Variants in AGMO observed in about 807,000 individuals in gnomAD.
AGMO encodes alkylglycerol monooxygenase.
Under a neutral mutation model 60.2 loss-of-function variants are expected in AGMO, and 75 were observed. The observed-to-expected ratio is 1.25, with a 90% confidence interval of 1.03 to 1.51. The LOEUF (loss-of-function observed/expected upper bound fraction) is 1.51. AGMO is among the 40% of genes most tolerant of loss of function. AGMO has a pLI of 0.00. For missense variants in AGMO, 763 were observed against 525.5 expected (o/e 1.45, Z -4.42); for synonymous variants, 261 against 177.1 (o/e 1.47, Z -3.76).
At chr7:15,394,440 T>C (rs10239038) in intron 5 of AGMO, among the ~76,000 whole-genome samples, 80,361 of 151,946 alleles carry the variant, frequency 0.53, 21,529 homozygotes, top group Middle Eastern at 0.69. Flanking sequence ...GCTCCAGGAA[T>C]CTCCACTTAC....
At chr7:15,248,225 T>TATATATATA (rs1782823894) in intron 12 of AGMO, among the ~76,000 whole-genome samples, 7 of 115,068 alleles carry the variant, frequency 6.1e-5, no homozygotes, top group Non-Finnish European at 1.1e-4. Flanking sequence ...TATATATATA[T>TATATATATA]CTTCATCTTC....
intron 3 of AGMO, among the ~76,000 whole-genome samples, chr7:15,520,738 G>A (rs1463385720): frequency 2.6e-5 from 4 of 152,124 alleles, no homozygotes; most frequent in African/African-American, 7.2e-5. Flanking sequence ...ATGCCCATAG[G>A]AGAAAGTATG....
At chr7:15,534,072 G>A (rs1261773668) in intron 3 of AGMO, among the ~76,000 whole-genome samples, 1 of 151,900 alleles carries the variant, frequency 6.6e-6, no homozygotes, top group Non-Finnish European at 1.5e-5. Context: ...GAAGTATGAG[G>A]CCTCGATTGT....
intron 5 of AGMO, among the ~76,000 whole-genome samples, chr7:15,394,789 T>C (rs1244331572): frequency 1.3e-5 from 2 of 152,190 alleles, no homozygotes; most frequent in Non-Finnish European, 2.9e-5. Flanking sequence ...ATCCTACTTA[T>C]TCAAATAGAA....
intron 5 of AGMO, among the ~76,000 whole-genome samples, chr7:15,416,723 G>C (rs141544156): frequency 2.6e-4 from 40 of 152,268 alleles, no homozygotes; most frequent in African/African-American, 9.4e-4. Flanking sequence ...CAGTATGCAA[G>C]TGGCCTATAG....
At chr7:15,272,193 A>G (rs976705677) in intron 12 of AGMO, among the ~76,000 whole-genome samples, 2 of 151,554 alleles carry the variant, frequency 1.3e-5, no homozygotes, top group Non-Finnish European at 2.9e-5. Flanking sequence ...GGTTTGTTAC[A>G]TATGTATACA....
chr7:15,462,072 A>T (rs940819258), intron 3 of AGMO, among the ~76,000 whole-genome samples: 1 of 151,412 alleles, frequency 6.6e-6, no homozygotes. Flanking sequence ...GTAAAAAAAA[A>T]TTCTAAAATT....
chr7:15,233,182 T>C (rs1268811885), intron 12 of AGMO, among the ~76,000 whole-genome samples: 3 of 152,198 alleles, frequency 2.0e-5, no homozygotes, highest in East Asian at 3.9e-4. Flanking sequence ...TAAAAATCTA[T>C]AAATTTCCAC....
At chr7:15,431,941 C>T (rs1781253012) in intron 3 of AGMO, among the ~76,000 whole-genome samples, 1 of 150,420 alleles carries the variant, frequency 6.6e-6, no homozygotes, top group Non-Finnish European at 1.5e-5. Flanking sequence ...TAGCCCAAGT[C>T]ATTTTTTATT....
At position 15,354,372 on chromosome 7, in the gene AGMO, GTGTGTATA is replaced by G. The variant is rs1563105068; in HGVS notation, c.1263+11134_1263+11141del. The stretch of plus-strand genomic sequence containing the variant: ...TGTATATAGACGTGTGTATATAGAC[GTGTGTATA>G]CACGTGTGTGTATACACGTGTGTGT... On this transcript the variant is annotated intron_variant, in intron 12 of 12. Coordinates refer to ENST00000342526, the MANE Select transcript of AGMO (RefSeq NM_001004320.2). Among the ~76,000 whole-genome samples, 12 of 60,262 alleles carry G rather than the reference GTGTGTATA, an allele frequency of 2.0e-4. 2 individuals are homozygous for G. The highest frequency in any genetic ancestry group is 7.1e-4 in the African/African-American group (7 of 9,906). 39.5% of individuals were successfully genotyped at this position (60,262 alleles called of 152,430 possible).
chr7:15,537,045 T>C (rs1784501007), intron 3 of AGMO, among the ~76,000 whole-genome samples: 1 of 152,136 alleles, frequency 6.6e-6, no homozygotes, highest in Admixed American at 6.5e-5. Flanking sequence ...TTTTTCCAGA[T>C]CATATTTAAC....
chr7:15,389,007 A>G (rs116063255), intron 8 of AGMO, among the ~76,000 whole-genome samples: 1 of 152,176 alleles, frequency 6.6e-6, no homozygotes, highest in Non-Finnish European at 1.5e-5. Flanking sequence ...TCCTCTCAAA[A>G]TACTAATCAT....
In AGMO at chr7:15,514,153, A is replaced by T. The variant is rs568625895; in HGVS notation, c.409+30619T>A. 1.6e-3 allele frequency among the ~76,000 whole-genome samples: 241 copies of T among 152,236 alleles called. 2 individuals carry two copies. In the Middle Eastern group the frequency reaches 0.031, roughly 19 times the overall value. On this transcript the variant is annotated intron_variant, in intron 3 of 12. Coordinates refer to ENST00000342526, the MANE Select transcript of AGMO (RefSeq NM_001004320.2). ...TGACATTTCCACTTGGAGGTCTGAT[A>T]CCTCAATTTTAGCATATCTAAAATT...
At chr7:15,303,250 A>T (rs1780503489) in intron 12 of AGMO, among the ~76,000 whole-genome samples, 1 of 152,184 alleles carries the variant, frequency 6.6e-6, no homozygotes, top group South Asian at 2.1e-4. Context: ...TGGTACATTC[A>T]AATTATAAAA....
intron 12 of AGMO, among the ~76,000 whole-genome samples, chr7:15,247,451 CACACACACAG>C (rs1217579662): frequency 4.2e-5 from 5 of 119,620 alleles, no homozygotes; most frequent in African/African-American, 1.1e-4. Context: ...CACACACACA[CACACACACAG>C]AGAGAGAGAG....
At chr7:15,337,317 T>C (rs1451650445) in intron 12 of AGMO, among the ~76,000 whole-genome samples, 2 of 152,176 alleles carry the variant, frequency 1.3e-5, no homozygotes, top group Non-Finnish European at 2.9e-5. Flanking sequence ...AATAACAGAA[T>C]ATATTTCATA....
At chr7:15,281,754 G>A (rs927778679) in intron 12 of AGMO, among the ~76,000 whole-genome samples, 1 of 152,152 alleles carries the variant, frequency 6.6e-6, no homozygotes, top group Non-Finnish European at 1.5e-5. Context: ...CTGGCCTGAA[G>A]CCTAAACTAT....
At position 15,201,239 on chromosome 7, in the gene AGMO, C is replaced by T. The variant is rs375157677; in HGVS notation, c.*46G>A. ...CATTTTAATATGCAGTCATAATATG[C>T]GTGTGGACAACTCATTAAAAGAAGA... On this transcript the variant is annotated 3_prime_UTR_variant, in exon 13 of 13. Coordinates refer to ENST00000342526, the MANE Select transcript of AGMO (RefSeq NM_001004320.2). 1,530 of 1,278,776 alleles carry T rather than the reference C, an allele frequency of 1.2e-3. 2 individuals are homozygous for T. The highest frequency in any genetic ancestry group is 1.6e-3 in the Non-Finnish European group (1,418 of 896,490). The allele number at this position is 1,278,776 out of a possible 1,614,324, so 79.2% of individuals were successfully genotyped here.
At chr7:15,329,240 C>G (rs1208528949) in intron 12 of AGMO, among the ~76,000 whole-genome samples, 1 of 152,118 alleles carries the variant, frequency 6.6e-6, no homozygotes, top group African/African-American at 2.4e-5. Flanking sequence ...TTAATTGTTT[C>G]GGTATACTAA....
Sources: gnomAD v4.1 joint callset for allele counts (sites outside exome capture counted in the v4.1 genomes callset) on GRCh38, gnomAD v4.1.1 for gene constraint, MANE v1.5 for transcripts, NCBI Gene and HGNC (gene_info 2026-07-23, HGNC 2026-07-21) for gene names.